The following EHBP1 variants were observed in gnomAD, a reference collection of about 807,000 sequenced individuals.
EHBP1 encodes the protein EH domain binding protein 1.
A neutral mutation model predicts 144.0 loss-of-function variants in EHBP1; 55 were observed. That is an observed-to-expected ratio of 0.38 (90% confidence interval 0.31 to 0.48). EHBP1 has a LOEUF of 0.48. Among genes scored for constraint, EHBP1 ranks in the 20% least tolerant of loss-of-function variants. The pLI is 0.98. For synonymous variants in EHBP1, 469 were observed against 472.7 expected (o/e 0.99, Z 0.10); for missense variants, 1,200 against 1,364.2 (o/e 0.88, Z 1.90).
chr2:62,964,168 A>G (rs1322401341), intron 14 of EHBP1, among the ~76,000 whole-genome samples: 1 of 152,220 alleles, frequency 6.6e-6, no homozygotes, highest in Non-Finnish European at 1.5e-5. Context: ...AAAGTCAAAC[A>G]AAATACCAGC....
chr2:62,997,780 A>G (rs907586997), intron 19 of EHBP1, among the ~76,000 whole-genome samples: 3 of 152,138 alleles, frequency 2.0e-5, no homozygotes, highest in African/African-American at 7.2e-5. Context: ...GTGAAATCAG[A>G]GCATATTAGA....
At chr2:62,718,163 A>G (rs2035870429) in intron 2 of EHBP1, among the ~76,000 whole-genome samples, 1 of 152,194 alleles carries the variant, frequency 6.6e-6, no homozygotes, top group African/African-American at 2.4e-5. Flanking sequence ...ATTCATGAAG[A>G]CTTTTTATGA....
chr2:62,801,274 T>C (rs765245689), intron 5 of EHBP1, among the ~76,000 whole-genome samples: 1 of 152,212 alleles, frequency 6.6e-6, no homozygotes, highest in Non-Finnish European at 1.5e-5. Context: ...TGGTCGCTGC[T>C]TCTGGAGTAT....
At chr2:63,018,233 A>C (rs1040039859) in intron 19 of EHBP1, among the ~76,000 whole-genome samples, 14 of 152,306 alleles carry the variant, frequency 9.2e-5, no homozygotes, top group African/African-American at 3.1e-4. Context: ...TACTTTTTCT[A>C]CTTTCAATTT....
intron 2 of EHBP1, among the ~76,000 whole-genome samples, chr2:62,735,155 A>G (rs1373453728): frequency 6.6e-6 from 1 of 152,096 alleles, no homozygotes; most frequent in East Asian, 1.9e-4. Context: ...TCCACCTTCT[A>G]AAGTGCTGGG....
intron 4 of EHBP1, among the ~76,000 whole-genome samples, chr2:62,771,107 C>A (rs2152358599): frequency 6.6e-6 from 1 of 152,256 alleles, no homozygotes; most frequent in East Asian, 1.9e-4. Flanking sequence ...CAACAAACTC[C>A]TGTGCCATGA....
chr2:62,781,033 G>T (rs1033850731), intron 5 of EHBP1, among the ~76,000 whole-genome samples: 1 of 152,130 alleles, frequency 6.6e-6, no homozygotes, highest in Non-Finnish European at 1.5e-5. Flanking sequence ...TTAATAAATA[G>T]ATATCATGTG....
chr2:62,816,218 A>G (rs1188052978), intron 5 of EHBP1, among the ~76,000 whole-genome samples: 1 of 152,228 alleles, frequency 6.6e-6, no homozygotes, highest in Non-Finnish European at 1.5e-5. Context: ...CTGTCAAACC[A>G]GACTTTAAAG....
In EHBP1 at chr2:62,926,127, A is replaced by G. The variant is rs548312134; in HGVS notation, c.1186-16591A>G. The stretch of plus-strand genomic sequence containing the variant: ...ATCCACAGTGAACTGATTTGTGACA[A>G]AGACACCAAGGACACTCATTGGGGA... On this transcript the variant is annotated intron_variant, in intron 10 of 22. Transcript: ENST00000431489. Among the ~76,000 whole-genome samples the G allele has an allele frequency of 7.2e-5, 11 of 152,274 alleles. No individual in the cohort carries two copies. In the South Asian group the frequency reaches 2.3e-3, roughly 32 times the overall value.
At chr2:62,961,242 G>A (rs533600907) in intron 14 of EHBP1, among the ~76,000 whole-genome samples, 1 of 152,178 alleles carries the variant, frequency 6.6e-6, no homozygotes, top group East Asian at 1.9e-4. Flanking sequence ...TAAATTTTTG[G>A]CAGGACTACC....
At chr2:62,737,272 G>C (rs1009201461) in intron 2 of EHBP1, among the ~76,000 whole-genome samples, 1 of 152,142 alleles carries the variant, frequency 6.6e-6, no homozygotes, top group African/African-American at 2.4e-5. Context: ...TCCTTGTTGG[G>C]ATCATGAGGG....
chr2:62,773,464 A>G lies in EHBP1; in HGVS notation c.312+2072A>G, dbSNP rs915189406. Among the ~76,000 whole-genome samples the G allele has an allele frequency of 3.4e-4, 52 of 152,118 alleles. 1 individual carries two copies. The highest frequency in any genetic ancestry group is 1.2e-3 in the African/African-American group (48 of 41,486). ...TACCACAATTTTTTTTTCAAACCAT[A>G]CTACCTTTGGGGTAGTAGCTTCTCA... On this transcript the variant is annotated intron_variant, in intron 5 of 22. Coordinates refer to ENST00000431489, the MANE Select transcript of EHBP1 (RefSeq NM_001142616.3).
chr2:62,909,638 T>C (rs1239100520), intron 10 of EHBP1, among the ~76,000 whole-genome samples: 1 of 152,206 alleles, frequency 6.6e-6, no homozygotes. Context: ...CTGGCAAAAA[T>C]GAACTGTGAC....
chr2:62,691,433 A>G (rs2033901871), intron 1 of EHBP1, among the ~76,000 whole-genome samples: 1 of 152,226 alleles, frequency 6.6e-6, no homozygotes, highest in Admixed American at 6.5e-5. Context: ...TAGAAGTTAT[A>G]CACAAGACTT....
At chr2:62,912,679 A>T (rs1340075052) in intron 10 of EHBP1, among the ~76,000 whole-genome samples, 1 of 152,202 alleles carries the variant, frequency 6.6e-6, no homozygotes, top group Non-Finnish European at 1.5e-5. Context: ...AGTGTATTTA[A>T]ATATAATTTC....
At chr2:62,678,654 A>T (rs2033401410) in intron 1 of EHBP1, among the ~76,000 whole-genome samples, 3 of 152,066 alleles carry the variant, frequency 2.0e-5, no homozygotes, top group Non-Finnish European at 4.4e-5. Flanking sequence ...GGTCTTTATT[A>T]TTAAAAGTTA....
At chr2:62,758,555 T>C (rs1454303968) in intron 3 of EHBP1, among the ~76,000 whole-genome samples, 1 of 152,234 alleles carries the variant, frequency 6.6e-6, no homozygotes, top group Non-Finnish European at 1.5e-5. Flanking sequence ...ATAAATTATG[T>C]TTCAGTACAA....
chr2:63,025,940 C>T (rs2060953885), intron 19 of EHBP1, among the ~76,000 whole-genome samples: 1 of 152,060 alleles, frequency 6.6e-6, no homozygotes, highest in South Asian at 2.1e-4. Context: ...GGAGGGTTTG[C>T]AATTGAGTAG....
In EHBP1 at chr2:62,791,288, T is replaced by C. The variant is rs570489431; in HGVS notation, c.312+19896T>C. Among the ~76,000 whole-genome samples, 11 of 152,130 alleles carry C rather than the reference T, an allele frequency of 7.2e-5. No homozygotes were observed. In the South Asian group the frequency reaches 2.3e-3, roughly 31 times the overall value. ...TTGAATTTTTTAAAGAAAAAAACCA[T>C]TTGTAATGAAAGGTTTTTAAGATAA... On this transcript the variant is annotated intron_variant, in intron 5 of 22. Coordinates refer to ENST00000431489, the MANE Select transcript of EHBP1 (RefSeq NM_001142616.3).
Sources: gnomAD v4.1 joint callset for allele counts (sites outside exome capture counted in the v4.1 genomes callset) on GRCh38, gnomAD v4.1.1 for gene constraint, MANE v1.5 for transcripts, NCBI Gene and HGNC (gene_info 2026-07-23, HGNC 2026-07-21) for gene names.